CTNNA3: variants seen among roughly 807,000 people sequenced by gnomAD.
CTNNA3 encodes catenin alpha-3.
CTNNA3 carries 76 observed loss-of-function variants against 95.7 expected under a neutral mutation model. The observed-to-expected ratio is 0.79, with a 90% CI of 0.66 to 0.96. The LOEUF (loss-of-function observed/expected upper bound fraction) is 0.96, where lower values mean the gene tolerates loss of function less well. CTNNA3 is among the 40% of genes least tolerant of loss of function. The pLI is 0.00. For synonymous variants in CTNNA3, 431 were observed against 374.4 expected (o/e 1.15, Z -1.74); for missense variants, 1,191 against 1,089.8 (o/e 1.09, Z -1.31).
intron 5 of CTNNA3, among the ~76,000 whole-genome samples, chr10:67,467,616 GT>G (rs1348423917): frequency 8.6e-5 from 13 of 152,032 alleles, no homozygotes. Context: ...GAGAACATGT[GT>G]TTAAAAACAT....
chr10:66,602,752 C>G (rs1194062865), intron 10 of CTNNA3, among the ~76,000 whole-genome samples: 1 of 151,910 alleles, frequency 6.6e-6, no homozygotes, highest in African/African-American at 2.4e-5. Context: ...TCACCATGAC[C>G]AAGTAGGATT....
At chr10:66,495,518 G>A (rs1840070557) in intron 11 of CTNNA3, among the ~76,000 whole-genome samples, 1 of 152,124 alleles carries the variant, frequency 6.6e-6, no homozygotes, top group Non-Finnish European at 1.5e-5. Context: ...AGTAATCAAT[G>A]ACATAGCTGT....
rs574567488 is a variant in CTNNA3, at chr10:66,215,197, G to A, written c.1884+65273C>T. On this transcript the variant is annotated intron_variant, in intron 13 of 17. Coordinates refer to ENST00000433211, the MANE Select transcript of CTNNA3 (RefSeq NM_013266.4). ...TGTGGCTCAACTGTGGACACTGGAT[G>A]CCACCAGGAGGCGGTGTAGGAAGCA... Among the ~76,000 whole-genome samples the A allele has an allele frequency of 3.3e-5, 5 of 152,294 alleles. 1 individual carries two copies. The highest frequency in any genetic ancestry group is 1.2e-4 in the African/African-American group (5 of 41,570).
At chr10:66,560,382 T>C (rs548595907) in intron 10 of CTNNA3, among the ~76,000 whole-genome samples, 1 of 150,744 alleles carries the variant, frequency 6.6e-6, no homozygotes, top group South Asian at 2.1e-4. Flanking sequence ...TGATTCATAA[T>C]AGTTGTACAA....
At chr10:67,740,550 A>G (rs1564844135) in intron 1 of CTNNA3, among the ~76,000 whole-genome samples, 1 of 151,522 alleles carries the variant, frequency 6.6e-6, no homozygotes, top group Non-Finnish European at 1.5e-5. Context: ...CAAAAAACAT[A>G]TGAAAAAATG....
chr10:66,067,903 G>A (rs1189229974), intron 15 of CTNNA3, among the ~76,000 whole-genome samples: 2 of 152,016 alleles, frequency 1.3e-5, no homozygotes, highest in East Asian at 1.9e-4. Flanking sequence ...ATGACAGAGC[G>A]AGACTCCATC....
intron 17 of CTNNA3, among the ~76,000 whole-genome samples, chr10:65,926,479 T>TG (rs1270657594): frequency 6.6e-6 from 1 of 150,786 alleles, no homozygotes; most frequent in East Asian, 1.9e-4. Flanking sequence ...TGTTCCAATT[T>TG]TTTTTTTTTT....
chr10:66,957,892 A>T (rs1419939879), intron 7 of CTNNA3, among the ~76,000 whole-genome samples: 2 of 152,036 alleles, frequency 1.3e-5, no homozygotes, highest in Admixed American at 6.6e-5. Flanking sequence ...TCCTTCTGCC[A>T]CCTGGACTTA....
At chr10:67,024,487 A>G (rs1272733690) in intron 7 of CTNNA3, among the ~76,000 whole-genome samples, 1 of 152,212 alleles carries the variant, frequency 6.6e-6, no homozygotes, top group Non-Finnish European at 1.5e-5. Context: ...GGTGATTAGG[A>G]AGTAAACATC....
chr10:66,118,114 G>T (rs1010832925), intron 13 of CTNNA3: 8 of 152,180 alleles, frequency 5.3e-5, no homozygotes, highest in African/African-American at 1.9e-4. Flanking sequence ...CGACTAATTT[G>T]ACTATAGTTT....
rs745904167 is a variant in CTNNA3 at position 67,636,714 on chromosome 10, G to A, written c.99+10701C>T. Among the ~76,000 whole-genome samples, 13 of 152,048 alleles carry A rather than the reference G, an allele frequency of 8.5e-5. No homozygotes were observed. In the South Asian group the frequency reaches 1.2e-3, roughly 15 times the overall value. On this transcript the variant is annotated intron_variant, in intron 2 of 17. Transcript: ENST00000433211. Reference sequence around the variant, plus strand: ...CAACATTTGCTGTTCACCAATATTCGCTGTTCTGCAGACTCCACTGCTGAT... The same window carrying A: ...CAACATTTGCTGTTCACCAATATTCACTGTTCTGCAGACTCCACTGCTGAT...
At position 66,188,595 on chromosome 10, in the gene CTNNA3, C is replaced by CTCTGTGTG. The variant is rs1554883578; in HGVS notation, c.1885-85347_1885-85346insCACACAGA. The stretch of plus-strand genomic sequence containing the variant: ...GTGTGTGTGGGGGGAGGGGGGGTCT[C>CTCTGTGTG]TGTGTGTGTGTGTGTGTGTGTGTGT... On this transcript the variant is annotated intron_variant, in intron 13 of 17. Coordinates refer to ENST00000433211, the MANE Select transcript of CTNNA3 (RefSeq NM_013266.4). Among the ~76,000 whole-genome samples the CTCTGTGTG allele has an allele frequency of 3.3e-5, 4 of 121,080 alleles. No homozygotes were observed. In the South Asian group the frequency reaches 1.1e-3, roughly 32 times the overall value. The allele number at this position is 121,080 out of a possible 152,430, so 79.4% of individuals were successfully genotyped here.
At chr10:66,061,886 C>A (rs962463222) in intron 15 of CTNNA3, among the ~76,000 whole-genome samples, 21 of 152,260 alleles carry the variant, frequency 1.4e-4, no homozygotes, top group African/African-American at 5.1e-4. Context: ...AGTTTAACAA[C>A]ACATAACATA....
intron 7 of CTNNA3, among the ~76,000 whole-genome samples, chr10:67,021,321 G>C (rs10822961): frequency 6.6e-6 from 1 of 152,048 alleles, no homozygotes; most frequent in African/African-American, 2.4e-5. Flanking sequence ...ATAATTGTGA[G>C]GTTAAAATGT....
intron 5 of CTNNA3, among the ~76,000 whole-genome samples, chr10:67,412,145 T>C (rs541027653): frequency 6.6e-6 from 1 of 152,266 alleles, no homozygotes; most frequent in African/African-American, 2.4e-5. Context: ...TGCAACATCC[T>C]TCTAAATATT....
intron 3 of CTNNA3, among the ~76,000 whole-genome samples, chr10:67,591,938 C>T (rs1260080380): frequency 6.6e-6 from 1 of 152,082 alleles, no homozygotes; most frequent in Non-Finnish European, 1.5e-5. Flanking sequence ...AGGGATGGGT[C>T]CCCAGTGAAA....
chr10:66,036,914 C>T (rs1394699159), intron 15 of CTNNA3, among the ~76,000 whole-genome samples: 1 of 137,176 alleles, frequency 7.3e-6, no homozygotes, highest in Non-Finnish European at 1.5e-5. Flanking sequence ...GCCCTGTCGC[C>T]CAGGCTGGAG....
intron 10 of CTNNA3, 35 bp from the exon 11 acceptor site, chr10:66,520,808 G>A (rs1330938912): frequency 1.3e-6 from 2 of 1,568,066 alleles, no homozygotes; most frequent in Admixed American, 3.4e-5. Context: ...TTACCTATTG[G>A]TTGCAATGTT....
chr10:66,329,468 G>A (rs186837555), intron 12 of CTNNA3, among the ~76,000 whole-genome samples: 4 of 151,702 alleles, frequency 2.6e-5, no homozygotes, highest in African/African-American at 7.3e-5. Context: ...TCAAATGAAC[G>A]CATAAAATTA....
Sources: gnomAD v4.1 joint callset for allele counts (sites outside exome capture counted in the v4.1 genomes callset) on GRCh38, gnomAD v4.1.1 for gene constraint, MANE v1.5 for transcripts, NCBI Gene and HGNC (gene_info 2026-07-23, HGNC 2026-07-21) for gene names.